EML6: variants seen among roughly 807,000 people sequenced by gnomAD.
The protein encoded by EML6 is EMAP like 6, also known as echinoderm microtubule-associated protein-like 6.
In EML6, 154 loss-of-function variants were observed where a neutral mutation model predicts 240.1. That is an observed-to-expected ratio of 0.64 (90% CI 0.56 to 0.73). The LOEUF is 0.73. Among genes scored for constraint, EML6 ranks in the 30% least tolerant of loss-of-function variants. The pLI is 0.00. For missense variants in EML6, 2,964 were observed against 2,474.6 expected, an observed-to-expected ratio of 1.20 and a Z score of -4.20; for synonymous variants, 1,148 against 899.0, an observed-to-expected ratio of 1.28 and a Z score of -4.95.
chr2:54,787,099 G>C (rs1400683547), intron 2 of EML6, among the ~76,000 whole-genome samples: 1 of 152,216 alleles, frequency 6.6e-6, no homozygotes, highest in Admixed American at 6.5e-5. Context: ...GGCAGGCACT[G>C]CCTAAGTAGG....
chr2:54,875,330 G>A (rs1427684921), intron 16 of EML6, among the ~76,000 whole-genome samples: 1 of 152,200 alleles, frequency 6.6e-6, no homozygotes, highest in East Asian at 1.9e-4. Context: ...TGTTGAAAGA[G>A]GAGACTACGT....
At chr2:54,769,909 T>G (rs1307913605) in intron 2 of EML6, among the ~76,000 whole-genome samples, 2 of 152,198 alleles carry the variant, frequency 1.3e-5, no homozygotes, top group Non-Finnish European at 2.9e-5. Flanking sequence ...CCTCTCGGAC[T>G]CTGGAAAGCC....
chr2:54,725,114 G>C lies in EML6; in HGVS notation c.53G>C (p.Gly18Ala). The stretch of plus-strand genomic sequence containing the variant: ...CAGCTCCGGCTGGAGTGGGTGTACG[G>C]GTACCGGGGTCACCAGTGCCGCAAC... Reference protein sequence around the residue: ...RCQLRLEWVYGYRGHQCRNNL... With the variant: ...RCQLRLEWVYAYRGHQCRNNL... The change falls in exon 2 of 42, where the codon GGG becomes GCG. Residue 18 changes from glycine (G) to alanine (A), a missense_variant. Physicochemically the swap from Gly to Ala is moderately conservative, Grantham distance 60. Transcript: ENST00000356458. The surrounding 1 kb of genome is among the most constrained non-coding windows in gnomAD (Gnocchi z 4.3). 1 of 1,540,178 alleles carries C rather than the reference G, an allele frequency of 6.5e-7. No homozygotes were observed. The highest frequency in any genetic ancestry group is 8.8e-7 in the Non-Finnish European group (1 of 1,142,044).
intron 2 of EML6, among the ~76,000 whole-genome samples, chr2:54,786,021 G>A (rs1476327563): frequency 6.6e-6 from 1 of 152,006 alleles, no homozygotes; most frequent in Non-Finnish European, 1.5e-5. Flanking sequence ...TACCCAGGGT[G>A]TTGGGGTAAA....
At chr2:54,846,208 GA>G (rs1324249632) in intron 8 of EML6, among the ~76,000 whole-genome samples, 3 of 152,152 alleles carry the variant, frequency 2.0e-5, no homozygotes, top group African/African-American at 7.2e-5. Flanking sequence ...GGAAGCTTGT[GA>G]GGAGCAACAG....
chr2:54,963,038 C>T (rs1420688919), intron 36 of EML6, among the ~76,000 whole-genome samples: 1 of 151,868 alleles, frequency 6.6e-6, no homozygotes, highest in South Asian at 2.1e-4. Flanking sequence ...CTGTCAAAAT[C>T]CCAACAAGGT....
chr2:54,957,996 G>T lies in EML6; in HGVS notation c.4693G>T (p.Ala1565Ser), dbSNP rs1363844317. Residue 1565 changes from alanine to serine, a missense_variant and splice_region_variant, in exon 33 of 42, where the codon GCT becomes TCT. Transcript: ENST00000356458. ...GACGATGCTCTCCGTGGCCTTCGGT[G>T]CTGTGAGTTCTAGCAGATACTCCCT... ...MQTMLSVAFG[A>S]NNLTFTGAIN... The T allele has an allele frequency of 1.9e-6, 3 of 1,549,292 alleles. No homozygotes were observed. The highest frequency in any genetic ancestry group is 2.6e-6 in the Non-Finnish European group (3 of 1,145,354).
intron 7 of EML6, among the ~76,000 whole-genome samples, chr2:54,837,541 C>T (rs773653319): frequency 2.2e-4 from 33 of 152,158 alleles, no homozygotes; most frequent in Non-Finnish European, 2.5e-4. Context: ...ATCTCAAAGT[C>T]GACTTCTCAC....
intron 22 of EML6, among the ~76,000 whole-genome samples, chr2:54,902,600 C>T (rs143348751): frequency 3.9e-4 from 60 of 152,272 alleles, no homozygotes; most frequent in African/African-American, 1.4e-3. Context: ...GATTTTGCTG[C>T]GTTGCCCAGG....
chr2:54,799,932 T>A (rs1470990536), intron 2 of EML6, among the ~76,000 whole-genome samples: 1 of 152,138 alleles, frequency 6.6e-6, no homozygotes, highest in Non-Finnish European at 1.5e-5. Context: ...AGCAAACTGG[T>A]TGGTACACTT....
chr2:54,900,312 T>A (rs976000496), intron 22 of EML6, among the ~76,000 whole-genome samples: 3 of 152,180 alleles, frequency 2.0e-5, no homozygotes, highest in Admixed American at 2.0e-4. Flanking sequence ...TGATGAATGG[T>A]CCCATCTCTA....
At chr2:54,948,339 T>TCCTG (rs1385330599) in intron 28 of EML6, among the ~76,000 whole-genome samples, 4 of 152,096 alleles carry the variant, frequency 2.6e-5, no homozygotes, top group Middle Eastern at 3.4e-3. Context: ...TCCCTCTGCT[T>TCCTG]CCTGCCTGCC....
intron 21 of EML6, among the ~76,000 whole-genome samples, chr2:54,895,914 A>G (rs1400494930): frequency 6.6e-6 from 1 of 152,190 alleles, no homozygotes; most frequent in African/African-American, 2.4e-5. Context: ...TAGATACTAC[A>G]ATTTTATGTT....
chr2:54,886,840 G>C (rs1672172303), intron 17 of EML6, among the ~76,000 whole-genome samples: 1 of 152,144 alleles, frequency 6.6e-6, no homozygotes, highest in South Asian at 2.1e-4. Context: ...TTTCACCCAT[G>C]TTCAAGTTTT....
Position 54,903,216 on chromosome 2 carries a change from C to T in EML6, c.3277+20C>T, listed in dbSNP as rs1463380403. ...CAAAAGGTGAAGATGACAGCAGATA[C>T]TTTTTAAAATAGCACAGTCTTGGGA... On this transcript the variant is annotated intron_variant, in intron 23 of 41. Coordinates refer to ENST00000356458, the MANE Select transcript of EML6 (RefSeq NM_001039753.4). 1 of 1,548,986 alleles carries T rather than the reference C, an allele frequency of 6.5e-7. No homozygotes were observed. The highest frequency in any genetic ancestry group is 2.4e-5 in the East Asian group (1 of 40,890).
At chr2:54,898,547 C>G (rs1473207738) in intron 21 of EML6, among the ~76,000 whole-genome samples, 1 of 152,044 alleles carries the variant, frequency 6.6e-6, no homozygotes, top group Non-Finnish European at 1.5e-5. Flanking sequence ...ATCCTTCAGC[C>G]CTCATTTTCT....
intron 2 of EML6, among the ~76,000 whole-genome samples, chr2:54,796,945 C>T (rs193231662): frequency 1.3e-4 from 19 of 151,718 alleles, no homozygotes; most frequent in African/African-American, 3.9e-4. Context: ...TGGGCAATCT[C>T]GAGGTCAGGA....
At chr2:54,799,056 T>C (rs1208626270) in intron 2 of EML6, among the ~76,000 whole-genome samples, 1 of 152,178 alleles carries the variant, frequency 6.6e-6, no homozygotes, top group Non-Finnish European at 1.5e-5. Flanking sequence ...TTTATTCTGC[T>C]ATATATTCTG....
At chr2:54,838,033 C>T (rs375016772) in intron 7 of EML6, among the ~76,000 whole-genome samples, 38 of 152,322 alleles carry the variant, frequency 2.5e-4, no homozygotes, top group Admixed American at 7.2e-4. Context: ...GGTTTGTTCT[C>T]TTTGTGTGCT....
Sources: gnomAD v4.1 joint callset for allele counts (sites outside exome capture counted in the v4.1 genomes callset) on GRCh38, gnomAD v4.1.1 for gene constraint, Gnocchi (gnomAD v3.1) non-coding constraint, MANE v1.5 for transcripts, NCBI Gene and HGNC (gene_info 2026-07-23, HGNC 2026-07-21) for gene names.